The following NPC1L1 variants were observed in gnomAD, a reference collection of about 807,000 sequenced individuals.
NPC1L1 encodes NPC1 like intracellular cholesterol transporter 1.
NPC1L1 carries 98 observed loss-of-function variants against 117.0 expected under a neutral mutation model. That is an observed-to-expected ratio of 0.84 (90% CI 0.71 to 0.99). NPC1L1 has a LOEUF of 0.99. NPC1L1 is among the 50% of genes least tolerant of loss of function. The pLI, the probability that NPC1L1 is intolerant of heterozygous loss-of-function variation, is 0.00. For synonymous variants in NPC1L1, 729 were observed against 727.6 expected, an observed-to-expected ratio of 1.00 and a Z score of -0.03; for missense variants, 1,540 against 1,710.0, an observed-to-expected ratio of 0.90 and a Z score of 1.75.
In NPC1L1 at chr7:44,540,234, C is replaced by T. The variant is rs119457968; in HGVS notation, c.163G>A (p.Val55Met). The T allele has an allele frequency of 2.7e-5, 44 of 1,613,874 alleles. 1 individual carries two copies. Among genetic ancestry groups the T allele is most frequent in the Non-Finnish European group, 3.6e-5 (43 of 1,180,010 alleles). The change falls in exon 2 of 19, where the codon GTG becomes ATG. Residue 55 changes from valine (V) to methionine (M), a missense_variant. Val to Met is a conservative substitution (Grantham distance 21). Around this residue, in one of 3 missense-constraint regions of NPC1L1, gnomAD observed 793 missense variants for 820.4 expected, o/e 0.97. Transcript: ENST00000381160. ...LSGSLMTLSNVSCLSNTPARK... is the reference protein window; with the variant it reads ...LSGSLMTLSNMSCLSNTPARK... The stretch of plus-strand genomic sequence containing the variant: ...GCCGGCGTGTTGGACAGGCAGGACA[C>T]GTTGGAGAGTGTCATGAGGCTTCCA...
At position 44,520,975 on chromosome 7, in the gene NPC1L1, G is replaced by A. The variant is rs1801335288; in HGVS notation, c.3080+17C>T. ...CACATGTCTGTCCTCCCCAGCAGAA[G>A]GCCCTCCCAAGCTTACCCTTTGGGA... On this transcript the variant is annotated intron_variant, in intron 13 of 18. Transcript: ENST00000381160. 6.2e-7 allele frequency: 1 copy of A among 1,613,970 alleles called. No homozygotes were observed. Among genetic ancestry groups the A allele is most frequent in the East Asian group, 2.2e-5 (1 of 44,892 alleles).
At position 44,541,210 on chromosome 7, in the gene NPC1L1, C is replaced by T. The variant is rs1178248146; in HGVS notation, c.50G>A (p.Arg17His). The T allele has an allele frequency of 9.0e-6, 14 of 1,549,644 alleles. No individual in the cohort carries two copies. Among genetic ancestry groups the T allele is most frequent in the Middle Eastern group, 1.8e-4 (1 of 5,514 alleles). ...RGWLLWALLL[R>H]LAQSEPYTTI... ...GAGCCAAGCCCTGGGACTCACCAAG[C>T]GCAGGAGCAGGGCCCACAGCAGCCA... Residue 17 changes from arginine (R) to histidine (H), a missense_variant, in exon 1 of 19, where the codon CGC becomes CAC. This residue lies in a region of NPC1L1 where 793 missense variants were observed against 820.4 expected (regional missense o/e 0.97). Transcript: ENST00000381160.
intron 8 of NPC1L1, among the ~76,000 whole-genome samples, chr7:44,532,615 C>T (rs1443559708): frequency 2.0e-5 from 3 of 152,324 alleles, no homozygotes; most frequent in Middle Eastern, 3.4e-3. Context: ...TCATGATGAT[C>T]CACTTTCACT....
intron 10 of NPC1L1, among the ~76,000 whole-genome samples, chr7:44,526,908 CA>C (rs1407412187): frequency 2.6e-5 from 4 of 152,004 alleles, no homozygotes; most frequent in Non-Finnish European, 5.9e-5. Flanking sequence ...CCTGTAATCT[CA>C]GCTACTCAGG....
chr7:44,518,829 G>C (rs1195691125), intron 14 of NPC1L1, among the ~76,000 whole-genome samples: 1 of 152,096 alleles, frequency 6.6e-6, no homozygotes, highest in Non-Finnish European at 1.5e-5. Context: ...TTCCCACCAG[G>C]CCTCTGACCA....
At chr7:44,518,310 C>T (rs1194969619) in intron 14 of NPC1L1, among the ~76,000 whole-genome samples, 1 of 149,492 alleles carries the variant, frequency 6.7e-6, no homozygotes, top group Non-Finnish European at 1.5e-5. Flanking sequence ...GCTGGGATTA[C>T]AGGTGCATGC....
Position 44,538,835 on chromosome 7 carries a change from T to A in NPC1L1, c.1562A>T (p.His521Leu), listed in dbSNP as rs1801979259. Residue 521 changes from histidine to leucine, a missense_variant, in exon 2 of 19, where the codon CAT becomes CTT. Physicochemically the swap from His to Leu is moderately conservative, Grantham distance 99 (BLOSUM62 -3). Around this residue, in one of 3 missense-constraint regions of NPC1L1, gnomAD observed 793 missense variants for 820.4 expected, o/e 0.97. Coordinates refer to ENST00000381160, the MANE Select transcript of NPC1L1 (RefSeq NM_001101648.2). The surrounding 1 kb of genome is among the most constrained non-coding windows in gnomAD (Gnocchi z 5.9). ...GQTSQVDWKD[H>L]FLYCANAPLT... ...GACTCACTTGGCACAGTACAGAAAA[T>A]GGTCCTTCCAGTCGACTTGGGAGGT... The A allele has an allele frequency of 3.1e-6, 5 of 1,614,070 alleles. No individual in the cohort carries two copies. Among genetic ancestry groups the A allele is most frequent in the Non-Finnish European group, 4.2e-6 (5 of 1,180,008 alleles).
At chr7:44,527,700 C>A (rs1801567987) in intron 10 of NPC1L1, among the ~76,000 whole-genome samples, 1 of 151,794 alleles carries the variant, frequency 6.6e-6, no homozygotes. Flanking sequence ...TAAATAAATC[C>A]CTGGCAAAGG....
chr7:44,520,922 T>G (rs1308996790), intron 13 of NPC1L1, 70 bp downstream of exon 13: 3 of 1,613,314 alleles, frequency 1.9e-6, no homozygotes, highest in Non-Finnish European at 2.5e-6. Context: ...TCCTCCTGCC[T>G]CTCTATATTC....
chr7:44,516,276 C>A (rs1395723443), intron 16 of NPC1L1, 79 bp from the exon 17 acceptor site: 1 of 1,174,790 alleles, frequency 8.5e-7, no homozygotes, highest in South Asian at 1.3e-5. Context: ...CCACCAGGAC[C>A]AGCGTGGGGC....
intron 10 of NPC1L1, among the ~76,000 whole-genome samples, chr7:44,526,672 C>T (rs190705840): frequency 9.9e-5 from 15 of 151,950 alleles, no homozygotes; most frequent in Admixed American, 5.3e-4. Context: ...CCCAAAAGTT[C>T]GAGACCAGCC....
At position 44,534,901 on chromosome 7, in the gene NPC1L1, G is replaced by A. The variant is rs1032369828; in HGVS notation, c.1984-272C>T. Among the ~76,000 whole-genome samples, 1 of 152,186 alleles carries A rather than the reference G, an allele frequency of 6.6e-6. No homozygotes were observed. The highest frequency in any genetic ancestry group is 1.5e-5 in the Non-Finnish European group (1 of 68,032). ...GCAAGAGATTTTAAGTCTTAGCTTT[G>A]CATTTGGGCAAGTGAGGGTATGGCA... On this transcript the variant is annotated intron_variant, in intron 5 of 18. Transcript: ENST00000381160. This position sits in a 1 kb window ranked among gnomAD's most constrained non-coding sequence, Gnocchi z 5.2.
rs1802024486 is a variant in NPC1L1 at position 44,539,733 on chromosome 7, G to A, written c.664C>T (p.Leu222Phe). 1.9e-6 allele frequency: 3 copies of A among 1,614,044 alleles called. No homozygotes were observed. The highest frequency in any genetic ancestry group is 1.3e-5 in the African/African-American group (1 of 74,950). ...GLAPLDITFH[L>F]LEPGQAVGSG... ...CCCACGGCCTGGCCAGGCTCCAAGAGGTGGAAGGTGATGTCCAGTGGGGCC... is the reference window on the plus strand; with the variant it reads ...CCCACGGCCTGGCCAGGCTCCAAGAAGTGGAAGGTGATGTCCAGTGGGGCC... Residue 222 changes from leucine to phenylalanine, a missense_variant, in exon 2 of 19, where the codon CTC becomes TTC. Physicochemically the swap from Leu to Phe is conservative, Grantham distance 22. Transcript: ENST00000381160. The surrounding 1 kb of genome is among the most constrained non-coding windows in gnomAD (Gnocchi z 4.4).
intron 10 of NPC1L1, among the ~76,000 whole-genome samples, chr7:44,528,334 G>A (rs768964410): frequency 2.6e-5 from 4 of 152,122 alleles, no homozygotes; most frequent in Non-Finnish European, 5.9e-5. Context: ...CAAATTCCTG[G>A]CCTCAAGCAA....
Position 44,513,216 on chromosome 7 carries a change from G to C in NPC1L1, c.*231C>G. 1 of 571,420 alleles carries C rather than the reference G, an allele frequency of 1.8e-6. No individual in the cohort carries two copies. Among genetic ancestry groups the C allele is most frequent in the Admixed American group, 2.8e-5 (1 of 35,132 alleles). The allele number at this position is 571,420 out of a possible 1,614,324, so 35.4% of individuals were successfully genotyped here. A position where few individuals can be genotyped will look rare whatever the true frequency, so the allele number is the denominator to read the frequency against. On this transcript the variant is annotated 3_prime_UTR_variant, in exon 19 of 19. Transcript: ENST00000381160. ...AGACCCAGGCCCAGGAGGAGGCACT[G>C]CCCAAGGCCTAGGTGACTTGGAAAC...
rs1393124731 is a variant in NPC1L1, at chr7:44,539,005, G to T, written c.1392C>A (p.Asn464Lys). Reference protein sequence around the residue: ...LQVWSPEAQRNISLQDICYAP... With the variant: ...LQVWSPEAQRKISLQDICYAP... Reference sequence around the variant, plus strand: ...CGTAGCAGATGTCCTGCAGGGAGATGTTGCGCTGTGCTTCGGGCGACCATA... The same window carrying T: ...CGTAGCAGATGTCCTGCAGGGAGATTTTGCGCTGTGCTTCGGGCGACCATA... The change falls in exon 2 of 19, where the codon AAC (asparagine) becomes AAA (lysine). Residue 464 changes from asparagine to lysine, a missense_variant. Physicochemically the swap from Asn to Lys is moderately conservative, Grantham distance 94. Around this residue, in one of 3 missense-constraint regions of NPC1L1, gnomAD observed 793 missense variants for 820.4 expected, o/e 0.97. Transcript: ENST00000381160. The surrounding 1 kb of genome is among the most constrained non-coding windows in gnomAD (Gnocchi z 4.4). 21 of 1,614,084 alleles carry T rather than the reference G, an allele frequency of 1.3e-5. No individual in the cohort carries two copies. The highest frequency in any genetic ancestry group is 1.7e-5 in the Non-Finnish European group (20 of 1,180,046).
At chr7:44,531,363 T>C (rs1190148729) in intron 10 of NPC1L1, among the ~76,000 whole-genome samples, 1 of 152,152 alleles carries the variant, frequency 6.6e-6, no homozygotes, top group African/African-American at 2.4e-5. Flanking sequence ...CTATGTGACC[T>C]TGGAGGTCCC....
intron 2 of NPC1L1, 136 bp from the exon 3 acceptor site, chr7:44,537,078 G>C (rs953926161): frequency 1.8e-5 from 12 of 678,188 alleles, no homozygotes; most frequent in Non-Finnish European, 2.3e-5. Flanking sequence ...ACTGGCTGCA[G>C]ATAGCCCAGC....
At chr7:44,525,799 C>G in intron 10 of NPC1L1, among the ~76,000 whole-genome samples, 1 of 151,710 alleles carries the variant, frequency 6.6e-6, no homozygotes, top group East Asian at 1.9e-4. Flanking sequence ...TACAAAAGAT[C>G]CTCAAAAAGA....
Sources: allele counts gnomAD v4.1 joint callset (sites outside exome capture counted in the v4.1 genomes callset), GRCh38; gene constraint gnomAD v4.1.1; regional missense constraint gnomAD v4.1.1; non-coding constraint Gnocchi (gnomAD v3.1); transcripts MANE v1.5; gene names NCBI Gene and HGNC (gene_info 2026-07-23, HGNC 2026-07-21).